PXYLP1: variants seen among roughly 807,000 people sequenced by gnomAD.
PXYLP1 encodes acid phosphatase-like 2.
PXYLP1 carries 17 observed loss-of-function variants against 37.9 expected under a neutral mutation model. The observed-to-expected ratio is 0.45, with a 90% CI of 0.31 to 0.67. The LOEUF (loss-of-function observed/expected upper bound fraction) is 0.67. PXYLP1 is among the 30% of genes least tolerant of loss of function. The pLI is 0.07. For synonymous variants in PXYLP1, 221 were observed against 232.2 expected (o/e 0.95, Z 0.44); for missense variants, 511 against 612.0 (o/e 0.84, Z 1.74).
In PXYLP1 at chr3:141,294,522, A is replaced by C. The variant is rs889012720; in HGVS notation, c.*1317A>C. On this transcript the variant is annotated 3_prime_UTR_variant, in exon 6 of 6. Transcript: ENST00000286353. ...TAATGGTGCTAATTCAGAGAAATGGAAAGTGAAAGTGAGATTCTCTGTTGT... is the reference window on the plus strand; with the variant it reads ...TAATGGTGCTAATTCAGAGAAATGGCAAGTGAAAGTGAGATTCTCTGTTGT... The C allele has an allele frequency of 6.6e-6, 1 of 152,224 alleles. No individual in the cohort carries two copies. Among genetic ancestry groups the C allele is most frequent in the Non-Finnish European group, 1.5e-5 (1 of 68,040 alleles). The allele number at this position is 152,224 out of a possible 1,614,324, so 9.4% of individuals were successfully genotyped here. A position where few individuals can be genotyped will look rare whatever the true frequency, so the allele number is the denominator to read the frequency against.
At chr3:141,243,954 G>A (rs1442253281) in intron 1 of PXYLP1, among the ~76,000 whole-genome samples, 1 of 152,188 alleles carries the variant, frequency 6.6e-6, no homozygotes, top group Non-Finnish European at 1.5e-5. Flanking sequence ...ATTTTTAGAA[G>A]TAATACAAGT....
chr3:141,274,687 C>G, intron 2 of PXYLP1: 1 of 707,672 alleles, frequency 1.4e-6, no homozygotes. Flanking sequence ...GACGCACACT[C>G]CCAGCCCTCT....
intron 2 of PXYLP1, among the ~76,000 whole-genome samples, chr3:141,263,842 A>G (rs1941449523): frequency 6.6e-6 from 1 of 152,214 alleles, no homozygotes; most frequent in African/African-American, 2.4e-5. Context: ...GATACGGGAA[A>G]ACCCTTGGCT....
chr3:141,256,980 A>G (rs1327734596), intron 1 of PXYLP1, among the ~76,000 whole-genome samples: 1 of 152,252 alleles, frequency 6.6e-6, no homozygotes, highest in African/African-American at 2.4e-5. Flanking sequence ...TCAGGCAGTT[A>G]CACGATCCCA....
At chr3:141,278,091 CT>C (rs1941840297) in intron 2 of PXYLP1, among the ~76,000 whole-genome samples, 1 of 152,158 alleles carries the variant, frequency 6.6e-6, no homozygotes, top group Non-Finnish European at 1.5e-5. Context: ...AGAGAGGCCC[CT>C]TTGCTTGGGA....
chr3:141,257,042 T>A (rs1317703192), intron 1 of PXYLP1, among the ~76,000 whole-genome samples: 1 of 152,180 alleles, frequency 6.6e-6, no homozygotes, highest in Non-Finnish European at 1.5e-5. Flanking sequence ...ATAGCTGTTT[T>A]CCCAAAAAGC....
At chr3:141,259,240 C>T (rs1050284719) in intron 1 of PXYLP1, among the ~76,000 whole-genome samples, 4 of 152,200 alleles carry the variant, frequency 2.6e-5, no homozygotes, top group Non-Finnish European at 4.4e-5. Context: ...GGAAAAGATT[C>T]AAGTTTGAAA....
intron 1 of PXYLP1, among the ~76,000 whole-genome samples, chr3:141,250,507 CGTT>C (rs1370935400): frequency 1.3e-5 from 2 of 152,192 alleles, no homozygotes; most frequent in African/African-American, 4.8e-5. Context: ...TCCACCCAGT[CGTT>C]GTATCCATTC....
At chr3:141,262,280 G>A (rs1941410014) in intron 2 of PXYLP1, 2 of 993,872 alleles carry the variant, frequency 2.0e-6, no homozygotes, top group Non-Finnish European at 2.4e-6. Flanking sequence ...GGCATCAGAA[G>A]TTTAAAAATA....
At chr3:141,242,106 C>T (rs1559879084) in intron 1 of PXYLP1, among the ~76,000 whole-genome samples, 2 of 152,128 alleles carry the variant, frequency 1.3e-5, no homozygotes, top group South Asian at 4.1e-4. Context: ...CTAAAGTTGG[C>T]TTATAGTTTT....
intron 1 of PXYLP1, among the ~76,000 whole-genome samples, chr3:141,245,363 T>G (rs922715220): frequency 2.6e-5 from 4 of 152,176 alleles, no homozygotes; most frequent in African/African-American, 9.7e-5. Flanking sequence ...CACCCACACC[T>G]GGCTGCCAGC....
At chr3:141,251,183 G>A (rs774202698) in intron 1 of PXYLP1, among the ~76,000 whole-genome samples, 5 of 152,244 alleles carry the variant, frequency 3.3e-5, no homozygotes, top group African/African-American at 4.8e-5. Flanking sequence ...AATGCTGTGA[G>A]ATTAATTTCT....
At chr3:141,289,915 A>G (rs1942162437) in intron 5 of PXYLP1, among the ~76,000 whole-genome samples, 1 of 152,212 alleles carries the variant, frequency 6.6e-6, no homozygotes, top group African/African-American at 2.4e-5. Context: ...CTAATCATTC[A>G]TTCAGATCTT....
intron 4 of PXYLP1, among the ~76,000 whole-genome samples, chr3:141,281,635 G>C (rs1453545918): frequency 6.6e-6 from 1 of 152,210 alleles, no homozygotes; most frequent in Non-Finnish European, 1.5e-5. Flanking sequence ...AAGAGGGGCA[G>C]CCTGACCCCA....
intron 2 of PXYLP1, among the ~76,000 whole-genome samples, chr3:141,264,481 C>A (rs1239167132): frequency 6.6e-6 from 1 of 152,178 alleles, no homozygotes; most frequent in Non-Finnish European, 1.5e-5. Flanking sequence ...TCTCATTGAT[C>A]CAGTGCCATG....
intron 1 of PXYLP1, among the ~76,000 whole-genome samples, chr3:141,249,723 A>G (rs1384251595): frequency 1.3e-5 from 2 of 152,184 alleles, no homozygotes; most frequent in Admixed American, 6.5e-5. Flanking sequence ...AGGTACTTAT[A>G]GCTTCTCGAC....
chr3:141,286,230 G>A (rs1217977413), intron 4 of PXYLP1, among the ~76,000 whole-genome samples: 1 of 152,134 alleles, frequency 6.6e-6, no homozygotes, highest in South Asian at 2.1e-4. Context: ...TCATTATTCA[G>A]GGTAATTGTA....
intron 1 of PXYLP1, among the ~76,000 whole-genome samples, chr3:141,248,527 G>T (rs1284928809): frequency 7.1e-6 from 1 of 140,220 alleles, no homozygotes; most frequent in African/African-American, 2.8e-5. Flanking sequence ...ACACACACAC[G>T]TATATATATA....
rs569225501 is a variant in PXYLP1 at position 141,266,115 on chromosome 3, C to T, written c.79+5861C>T. 2.3e-4 allele frequency among the ~76,000 whole-genome samples: 35 copies of T among 152,346 alleles called. No homozygotes were observed. The South Asian group carries it at 5.8e-3, about 25-fold the overall frequency. ...TCCCTGCTGGTGAAGCCCTGGTTTCCGGAGGACCAGGGCTCCTTGGAGCAG... is the reference window on the plus strand; with the variant it reads ...TCCCTGCTGGTGAAGCCCTGGTTTCTGGAGGACCAGGGCTCCTTGGAGCAG... On this transcript the variant is annotated intron_variant, in intron 2 of 5. Coordinates refer to ENST00000286353, the MANE Select transcript of PXYLP1 (RefSeq NM_001037172.3).
Sources: allele counts gnomAD v4.1 joint callset (sites outside exome capture counted in the v4.1 genomes callset), GRCh38; gene constraint gnomAD v4.1.1; transcripts MANE v1.5; gene names NCBI Gene and HGNC (gene_info 2026-07-23, HGNC 2026-07-21).